The following MIDEAS variants were observed in gnomAD, a reference collection of about 807,000 sequenced individuals.
MIDEAS encodes the protein mitotic deacetylase-associated SANT domain protein.
In MIDEAS, 26 loss-of-function variants were observed where a neutral mutation model predicts 102.7. The ratio of observed to expected loss-of-function variants is 0.25; its 90% confidence interval spans 0.19 to 0.35. The LOEUF (loss-of-function observed/expected upper bound fraction) is 0.35. Among genes scored for constraint, MIDEAS ranks in the 10% least tolerant of loss-of-function variants. The probability of loss-of-function intolerance (pLI) is 1.00; values close to 1 mark genes in which losing one functional copy is unlikely to be tolerated. For synonymous variants in MIDEAS, 585 were observed against 591.0 expected (o/e 0.99, Z 0.15); for missense variants, 1,231 against 1,435.6 (o/e 0.86, Z 2.30).
Position 73,737,204 on chromosome 14 carries a change from G to T in MIDEAS, c.1543C>A (p.Arg515=). The T allele has an allele frequency of 6.2e-7, 1 of 1,614,120 alleles. No individual in the cohort carries two copies. The highest frequency in any genetic ancestry group is 1.1e-5 in the South Asian group (1 of 91,056). The change falls in exon 3 of 13, where the codon CGA becomes AGA. Residue 515 remains arginine, a synonymous_variant. Transcript: ENST00000423556. The stretch of plus-strand genomic sequence containing the variant: ...ACCATCCCACTGTCTTCTCGTGCTC[G>T]CTTGGTGGCTAAGGAAGGCTCAGAA... ...EFSEPSLATK[R]AREDSGMVPL...
Position 73,726,923 on chromosome 14 carries a change from C to T in MIDEAS, c.2212G>A (p.Asp738Asn), listed in dbSNP as rs1005226104. 1.2e-6 allele frequency: 2 copies of T among 1,613,660 alleles called. No individual in the cohort carries two copies. The highest frequency in any genetic ancestry group is 1.3e-5 in the African/African-American group (1 of 74,934). ...RFQAEIPLMR[D>N]RALAAADPHK... ...GGATCTGCAGCTGCCAGGGCACGGT[C>T]CCTCATCAAGGGGATTTCTGCCTGG... Residue 738 changes from aspartate (D) to asparagine (N), a missense_variant, in exon 6 of 13, where the codon GAC becomes AAC. Around this residue, in one of 5 missense-constraint regions of MIDEAS, gnomAD observed 391 missense variants for 483.0 expected, o/e 0.81. Transcript: ENST00000423556.
In MIDEAS at chr14:73,727,539, G is replaced by A. The variant is rs759903697; in HGVS notation, c.2096-15C>T. On this transcript the variant is annotated splice_polypyrimidine_tract_variant and intron_variant, in intron 4 of 12. Coordinates refer to ENST00000423556, the MANE Select transcript of MIDEAS (RefSeq NM_001367710.1). ...TTCAGCACTGTCTATGGGACAAAGA[G>A]CAGGTTGATAAATAGCACCCCCCTT... The A allele has an allele frequency of 6.3e-6, 10 of 1,595,668 alleles. No homozygotes were observed. The East Asian group carries it at 1.4e-4, about 22-fold the overall frequency.
At chr14:73,736,260 C>A (rs2140117691) in intron 3 of MIDEAS, among the ~76,000 whole-genome samples, 1 of 152,166 alleles carries the variant, frequency 6.6e-6, no homozygotes, top group Non-Finnish European at 1.5e-5. Context: ...TAAATGAGCA[C>A]CTAATAACAT....
intron 10 of MIDEAS, chr14:73,722,454 T>C (rs1277881145): frequency 2.8e-6 from 1 of 353,748 alleles, no homozygotes; most frequent in East Asian, 5.1e-5. Context: ...GATAGGAAGA[T>C]GATGCTGGTG....
chr14:73,719,143 C>T, intron 12 of MIDEAS, 135 bp from the exon 13 acceptor site: 1 of 1,463,206 alleles, frequency 6.8e-7, no homozygotes, highest in Non-Finnish European at 9.0e-7. Context: ...CGTCATTTTC[C>T]GAAAGCTGCC....
intron 1 of MIDEAS, among the ~76,000 whole-genome samples, chr14:73,750,328 G>A (rs191802179): frequency 2.1e-4 from 32 of 152,312 alleles, no homozygotes; most frequent in Non-Finnish European, 2.9e-4. Flanking sequence ...GTGGGCCTCA[G>A]AAGGAATGCT....
rs948301291 is a variant in MIDEAS, at chr14:73,740,072, C to T, written c.-64G>A. The T allele has an allele frequency of 5.7e-6, 8 of 1,410,150 alleles. No homozygotes were observed. Among genetic ancestry groups the T allele is most frequent in the East Asian group, 5.1e-5 (2 of 39,380 alleles). 87.4% of individuals were successfully genotyped at this position (1,410,150 alleles called of 1,614,324 possible). A position where few individuals can be genotyped will look rare whatever the true frequency, so the allele number is the denominator to read the frequency against. ...AACAGTCGCCCATCCCCTGGGGAAACGTCCTGCTGGAAGCCGGGCTCTAGT... is the reference window on the plus strand; with the variant it reads ...AACAGTCGCCCATCCCCTGGGGAAATGTCCTGCTGGAAGCCGGGCTCTAGT... On this transcript the variant is annotated 5_prime_UTR_variant, in exon 2 of 13. Transcript: ENST00000423556.
intron 1 of MIDEAS, among the ~76,000 whole-genome samples, chr14:73,773,660 T>A (rs2053662268): frequency 6.6e-6 from 1 of 151,870 alleles, no homozygotes; most frequent in South Asian, 2.1e-4. Flanking sequence ...TCACCAGTGG[T>A]CCCACAGGCC....
intron 1 of MIDEAS, among the ~76,000 whole-genome samples, chr14:73,771,895 GCTGC>G (rs1322087939): frequency 1.3e-5 from 2 of 152,278 alleles, no homozygotes; most frequent in Non-Finnish European, 2.9e-5. Context: ...CACCCTCCCT[GCTGC>G]CAGTTGGAAC....
chr14:73,730,157 G>C, intron 3 of MIDEAS, 172 bp from the exon 4 acceptor site: 1 of 753,514 alleles, frequency 1.3e-6, no homozygotes. Context: ...ATCTCCTCTA[G>C]GGCAGAAGTC....
intron 1 of MIDEAS, among the ~76,000 whole-genome samples, chr14:73,783,341 G>C (rs970463740): frequency 2.0e-5 from 3 of 152,166 alleles, no homozygotes; most frequent in Admixed American, 6.5e-5. Flanking sequence ...AAGCGGATGA[G>C]AGGAAAGAGG....
At chr14:73,767,336 A>T (rs1224475478) in intron 1 of MIDEAS, among the ~76,000 whole-genome samples, 1 of 152,206 alleles carries the variant, frequency 6.6e-6, no homozygotes, top group Non-Finnish European at 1.5e-5. Context: ...GCTGTTGGGC[A>T]AACAAGCTGT....
chr14:73,730,825 G>A (rs1304438190), intron 3 of MIDEAS, among the ~76,000 whole-genome samples: 2 of 152,200 alleles, frequency 1.3e-5, no homozygotes, highest in African/African-American at 4.8e-5. Flanking sequence ...GGGCATGGTG[G>A]CGGGTGCCTG....
At chr14:73,722,908 A>G in intron 9 of MIDEAS, 61 bp from the exon 10 acceptor site, 2 of 1,579,524 alleles carry the variant, frequency 1.3e-6, no homozygotes, top group South Asian at 1.1e-5. Flanking sequence ...CCTGTGGAGA[A>G]TCCAGCCTTT....
At chr14:73,778,745 C>T (rs926941699) in intron 1 of MIDEAS, among the ~76,000 whole-genome samples, 1 of 152,034 alleles carries the variant, frequency 6.6e-6, no homozygotes, top group South Asian at 2.1e-4. Context: ...CTCTCCCAGC[C>T]CCACACCAGG....
In MIDEAS at chr14:73,778,383, G is replaced by A. The variant is rs145864106; in HGVS notation, c.-248+8719C>T. Among the ~76,000 whole-genome samples the A allele has an allele frequency of 5.8e-3, 878 of 151,564 alleles. 17 individuals carry two copies. The highest frequency in any genetic ancestry group is 0.027 in the Middle Eastern group (8 of 294). On this transcript the variant is annotated intron_variant, in intron 1 of 11. Transcript: ENST00000394071. ...GTCTCAAAAAAAAAAAAAACGTGAT[G>A]GGGAAGGTCACGACTGTTGTGGTTA... is the stretch of plus-strand genomic sequence containing the variant.
chr14:73,762,106 C>T (rs2140159177), upstream of MIDEAS, among the ~76,000 whole-genome samples: 1 of 152,368 alleles, frequency 6.6e-6, no homozygotes, highest in African/African-American at 2.4e-5. Context: ...TGCCAAGTTC[C>T]TCTGCAGACC....
Position 73,730,486 on chromosome 14 carries a change from C to T in MIDEAS, c.1750-501G>A, listed in dbSNP as rs997584285. Among the ~76,000 whole-genome samples the T allele has an allele frequency of 3.9e-5, 6 of 152,290 alleles. No homozygotes were observed. In the South Asian group the frequency reaches 8.3e-4, roughly 21 times the overall value. On this transcript the variant is annotated intron_variant, in intron 3 of 12. Coordinates refer to ENST00000423556, the MANE Select transcript of MIDEAS (RefSeq NM_001367710.1). ...GTGCATCTTCATAACATGGTGCCTA[C>T]CTAGTAAGTGCCTACTTCATGGGGT...
At chr14:73,734,805 T>C (rs921268204) in intron 3 of MIDEAS, among the ~76,000 whole-genome samples, 2 of 152,190 alleles carry the variant, frequency 1.3e-5, no homozygotes, top group African/African-American at 4.8e-5. Flanking sequence ...CTCAAATCCC[T>C]TTCTGTAGGG....
Sources: allele counts gnomAD v4.1 joint callset (sites outside exome capture counted in the v4.1 genomes callset), GRCh38; gene constraint gnomAD v4.1.1; regional missense constraint gnomAD v4.1.1; transcripts MANE v1.5; gene names NCBI Gene and HGNC (gene_info 2026-07-23, HGNC 2026-07-21).